CIZ1: variants seen among roughly 807,000 people sequenced by gnomAD.
The protein encoded by CIZ1 is CDKN1A interacting zinc finger protein 1, also known as cip1-interacting zinc finger protein.
A neutral mutation model predicts 118.6 loss-of-function variants in CIZ1; 58 were observed. The observed-to-expected ratio is 0.49, with a 90% CI of 0.40 to 0.61. CIZ1 has a LOEUF of 0.61. Ranked by LOEUF, CIZ1 falls within the 20% of genes least tolerant of loss-of-function variation. The pLI is 0.00. For synonymous variants in CIZ1, 448 were observed against 443.4 expected (o/e 1.01, Z -0.13); for missense variants, 921 against 1,115.9 (o/e 0.83, Z 2.49).
Position 128,203,584 on chromosome 9 carries a change from C to T in CIZ1, c.-6+602G>A, listed in dbSNP as rs1326366504. 3 of 1,551,448 alleles carry T rather than the reference C, an allele frequency of 1.9e-6. No homozygotes were observed. Among genetic ancestry groups the T allele is most frequent in the Non-Finnish European group, 2.6e-6 (3 of 1,152,874 alleles). Reference sequence around the variant, plus strand: ...ACCTGCCGCAGATCGCTGTGGTGGGCGGCCAGAGCGCCGGCAAGAGCTCGG... The same window carrying T: ...ACCTGCCGCAGATCGCTGTGGTGGGTGGCCAGAGCGCCGGCAAGAGCTCGG... On this transcript the variant is annotated intron_variant, in intron 1 of 17. Coordinates refer to the CIZ1 transcript ENST00000372948. This position sits in a 1 kb window ranked among gnomAD's most constrained non-coding sequence, Gnocchi z 5.3.
intron 1 of CIZ1, 25 bp from the exon 2 acceptor site, chr9:128,190,887 C>T: frequency 6.6e-7 from 1 of 1,519,382 alleles, no homozygotes; most frequent in South Asian, 1.3e-5. Context: ...CAGAGTGAGG[C>T]AAGGGGTCCC....
upstream of CIZ1, among the ~76,000 whole-genome samples, chr9:128,194,914 C>G (rs1024411584): frequency 6.6e-6 from 1 of 152,144 alleles, no homozygotes; most frequent in Non-Finnish European, 1.5e-5. Context: ...CCCTCCCTGG[C>G]TCAATGGAGC....
intron 4 of CIZ1, among the ~76,000 whole-genome samples, chr9:128,187,568 T>C (rs1832536757): frequency 6.6e-6 from 1 of 152,170 alleles, no homozygotes; most frequent in Non-Finnish European, 1.5e-5. Context: ...GCCTGGTACA[T>C]AGTAAATGTT....
chr9:128,190,868 G>T lies in CIZ1; in HGVS notation c.-5-6C>A. ...CTGCTGGCTGAACATGGTGGCTAGG[G>T]GCAGAAAGCAGAGTGAGGCAAGGGG... On this transcript the variant is annotated splice_region_variant and splice_polypyrimidine_tract_variant and intron_variant, in intron 1 of 16. Transcript: ENST00000372938. The T allele has an allele frequency of 6.5e-7, 1 of 1,536,116 alleles. No individual in the cohort carries two copies.
At chr9:128,186,300 A>C (rs1832366482) in intron 4 of CIZ1, among the ~76,000 whole-genome samples, 1 of 152,058 alleles carries the variant, frequency 6.6e-6, no homozygotes, top group Non-Finnish European at 1.5e-5. Context: ...GTGGAGGTGC[A>C]GCTTGCCCAG....
chr9:128,171,873 C>T (rs1020097522), intron 11 of CIZ1, among the ~76,000 whole-genome samples: 7 of 151,494 alleles, frequency 4.6e-5, no homozygotes, highest in Non-Finnish European at 8.8e-5. Context: ...CTGATAGATC[C>T]GATTGCATAA....
Position 128,166,903 on chromosome 9 carries a change from C to T in CIZ1, c.2366-23G>A. Reference sequence around the variant, plus strand: ...CACCTGTAGGATGGGATGGCAGGGTCTGCACTCACATCCCTGTACCAGCGA... The same window carrying T: ...CACCTGTAGGATGGGATGGCAGGGTTTGCACTCACATCCCTGTACCAGCGA... On this transcript the variant is annotated intron_variant, in intron 15 of 16. Transcript: ENST00000372938. The surrounding 1 kb of genome is among the most constrained non-coding windows in gnomAD (Gnocchi z 4.4). 1 of 1,614,158 alleles carries T rather than the reference C, an allele frequency of 6.2e-7. No individual in the cohort carries two copies. Among genetic ancestry groups the T allele is most frequent in the Non-Finnish European group, 8.5e-7 (1 of 1,180,000 alleles).
chr9:128,190,077 G>A (rs1318161636), intron 3 of CIZ1, among the ~76,000 whole-genome samples: 1 of 152,204 alleles, frequency 6.6e-6, no homozygotes, highest in Non-Finnish European at 1.5e-5. Flanking sequence ...GAATGTGAGT[G>A]AAGTGTGCTG....
chr9:128,191,777 C>T, upstream of CIZ1: 2 of 1,423,160 alleles, frequency 1.4e-6, no homozygotes, highest in Non-Finnish European at 1.8e-6. The surrounding 1 kb of genome is among the most constrained non-coding windows in gnomAD (Gnocchi z 5.5). Context: ...GCTCGGAGAC[C>T]AAGGTCCGTC....
rs749514915 is a variant in CIZ1, at chr9:128,166,231, G to T, written c.2663C>A (p.Pro888Gln). 10 of 1,509,074 alleles carry T rather than the reference G, an allele frequency of 6.6e-6. No homozygotes were observed. The highest frequency in any genetic ancestry group is 6.3e-5 in the Admixed American group (3 of 47,970). 93.5% of individuals were successfully genotyped at this position (1,509,074 alleles called of 1,614,324 possible). The change falls in exon 17 of 17, where the codon CCA (proline) becomes CAA (glutamine). Residue 888 changes from proline to glutamine, a missense_variant. Physicochemically the swap from Pro to Gln is moderately conservative, Grantham distance 76 (BLOSUM62 -1). Transcript: ENST00000372938. This position sits in a 1 kb window ranked among gnomAD's most constrained non-coding sequence, Gnocchi z 4.4. ...GAGGCGGGTTGAGCGCCGAGGTAGT[G>T]GGGGCTGGGAGGGTCGAGCCGTCAC... ...SKVTARPSQP[P>Q]LPRRSTRLKT is the part of the protein sequence containing the mutation.
At chr9:128,181,745 C>T (rs1159795020) in intron 5 of CIZ1, among the ~76,000 whole-genome samples, 2 of 147,720 alleles carry the variant, frequency 1.4e-5, no homozygotes, top group African/African-American at 5.2e-5. Flanking sequence ...ACACCCGCTA[C>T]TTAGCAGACC....
At position 128,170,044 on chromosome 9, in the gene CIZ1, T is replaced by C; in HGVS notation, c.2007A>G (p.Gln669=). The C allele has an allele frequency of 1.2e-6, 2 of 1,613,946 alleles. No individual in the cohort carries two copies. The highest frequency in any genetic ancestry group is 2.2e-5 in the South Asian group (2 of 91,076). The part of the protein sequence containing the change: ...CQLYYMGDLI[Q]HRRTQDHKIA... ...CCTTGTGGTCCTGTGTCCTGCGGTG[T>C]TGGATCAGGTCCCCCATGTAGTAGA... The change falls in exon 12 of 17, where the codon CAA becomes CAG. Residue 669 remains glutamine, a synonymous_variant. Coordinates refer to ENST00000372938, the MANE Select transcript of CIZ1 (RefSeq NM_001131016.2).
intron 10 of CIZ1, 38 bp downstream of exon 10, chr9:128,177,528 G>GCCCCCCCCCCA: frequency 1.1e-5 from 13 of 1,164,580 alleles, no homozygotes; most frequent in Admixed American, 2.9e-5. Flanking sequence ...TTCCACGCAG[G>GCCCCCCCCCCA]CCCCACCCCT....
At chr9:128,191,902 C>A, upstream of CIZ1, 1 of 1,444,412 alleles carries the variant, frequency 6.9e-7, no homozygotes, top group Non-Finnish European at 9.1e-7. This position sits in a 1 kb window ranked among gnomAD's most constrained non-coding sequence, Gnocchi z 5.5. Flanking sequence ...CCGCGCGGGG[C>A]TGCGGTGAGA....
At chr9:128,190,602 C>T (rs1833008790) in intron 2 of CIZ1, 86 bp downstream of exon 2, 1 of 1,491,834 alleles carries the variant, frequency 6.7e-7, no homozygotes, top group Non-Finnish European at 9.0e-7. Context: ...GGGGATGGCA[C>T]TGGGAAAAAG....
In CIZ1 at chr9:128,166,267, G is replaced by A; in HGVS notation, c.2627C>T (p.Thr876Ile). Residue 876 changes from threonine (T) to isoleucine (I), a missense_variant, in exon 17 of 17, where the codon ACA (threonine) becomes ATA (isoleucine). Transcript: ENST00000372938. This position sits in a 1 kb window ranked among gnomAD's most constrained non-coding sequence, Gnocchi z 4.4. ...PPSQPNTQDK[T>I]PSKVTARPSQ... ...GGGTCGAGCCGTCACCTTGCTGGGTGTTTTGTCCTGGGTGTTGGGCTGGGA... is the reference window on the plus strand; with the variant it reads ...GGGTCGAGCCGTCACCTTGCTGGGTATTTTGTCCTGGGTGTTGGGCTGGGA... 6 of 723,242 alleles carry A rather than the reference G, an allele frequency of 8.3e-6. No individual in the cohort carries two copies. Among genetic ancestry groups the A allele is most frequent in the Non-Finnish European group, 1.3e-5 (6 of 462,538 alleles). 44.8% of individuals were successfully genotyped at this position (723,242 alleles called of 1,614,324 possible).
At chr9:128,177,955 G>A (rs970945982) in intron 9 of CIZ1, among the ~76,000 whole-genome samples, 192 bp from the exon 10 acceptor site, 5 of 152,162 alleles carry the variant, frequency 3.3e-5, no homozygotes, top group African/African-American at 1.2e-4. Context: ...ACCCAGGTCG[G>A]CCTAAAGTAC....
upstream of CIZ1, among the ~76,000 whole-genome samples, chr9:128,196,635 C>T (rs759532396): frequency 6.6e-6 from 1 of 152,006 alleles, no homozygotes; most frequent in African/African-American, 2.4e-5. Flanking sequence ...GACAGAGTCT[C>T]GCTCTGTCTT....
intron 7 of CIZ1, among the ~76,000 whole-genome samples, chr9:128,180,196 A>G (rs1209290797): frequency 1.3e-5 from 2 of 152,090 alleles, no homozygotes; most frequent in Non-Finnish European, 2.9e-5. Context: ...CTTGGCCCCC[A>G]GGTGGCTCAG....
Sources: allele counts gnomAD v4.1 joint callset (sites outside exome capture counted in the v4.1 genomes callset), GRCh38; gene constraint gnomAD v4.1.1; non-coding constraint Gnocchi (gnomAD v3.1); transcripts MANE v1.5; gene names NCBI Gene and HGNC (gene_info 2026-07-23, HGNC 2026-07-21).